Variants in GCSH observed in about 807,000 individuals in gnomAD.
GCSH encodes glycine cleavage system H protein, mitochondrial.
In GCSH, 15 loss-of-function variants were observed where a neutral mutation model predicts 21.3. The observed-to-expected ratio is 0.70, with a 90% CI of 0.47 to 1.08. The LOEUF (loss-of-function observed/expected upper bound fraction) is 1.08, where lower values mean the gene tolerates loss of function less well. GCSH is among the 50% of genes least tolerant of loss of function. The probability of loss-of-function intolerance (pLI) is 0.00; values close to 1 mark genes in which losing one functional copy is unlikely to be tolerated. For missense variants in GCSH, 179 were observed against 217.5 expected, an observed-to-expected ratio of 0.82 and a Z score of 1.11; for synonymous variants, 59 against 84.5, an observed-to-expected ratio of 0.70 and a Z score of 1.66.
At chr16:81,093,041 A>G (rs1972427992) in intron 1 of GCSH, among the ~76,000 whole-genome samples, 1 of 151,650 alleles carries the variant, frequency 6.6e-6, no homozygotes, top group African/African-American at 2.4e-5. Flanking sequence ...CTGAGGCAGG[A>G]GAATCACTTG....
At chr16:81,083,209 T>C in intron 4 of GCSH, 2 of 504,546 alleles carry the variant, frequency 4.0e-6, no homozygotes, top group South Asian at 2.1e-5. Flanking sequence ...GTAATAAGCA[T>C]CAGAAAATGA....
At chr16:81,089,885 T>A (rs1972363709) in intron 2 of GCSH, among the ~76,000 whole-genome samples, 1 of 152,210 alleles carries the variant, frequency 6.6e-6, no homozygotes, top group African/African-American at 2.4e-5. Context: ...TGTGTATCAC[T>A]GGACCCACAA....
rs186051402 is a variant in GCSH, at chr16:81,082,250, G to A, written c.*616C>T. ...ATTTCCTTTTAAAAAGTAACTTTCC[G>A]TAAGTTAAAGTTAGCACTTTCACAA... On this transcript the variant is annotated 3_prime_UTR_variant, in exon 5 of 5. Coordinates refer to ENST00000315467, the MANE Select transcript of GCSH (RefSeq NM_004483.5). 62 of 452,630 alleles carry A rather than the reference G, an allele frequency of 1.4e-4. No homozygotes were observed. The East Asian group carries it at 2.2e-3, about 16-fold the overall frequency. The allele number at this position is 452,630 out of a possible 1,614,324, so 28.0% of individuals were successfully genotyped here. A position where few individuals can be genotyped will look rare whatever the true frequency, so the allele number is the denominator to read the frequency against.
intron 1 of GCSH, among the ~76,000 whole-genome samples, chr16:81,091,666 AG>A (rs1267294439): frequency 1.3e-5 from 2 of 152,214 alleles, no homozygotes; most frequent in East Asian, 3.8e-4. Context: ...TGTTTTAAAG[AG>A]GCCTCACTGG....
At chr16:81,091,282 A>G in intron 1 of GCSH, 1 of 355,242 alleles carries the variant, frequency 2.8e-6, no homozygotes, top group South Asian at 2.2e-5. Context: ...ATTCAAGCCT[A>G]ACCTTGAAGA....
chr16:81,096,347 G>A lies in GCSH; in HGVS notation c.-69C>T, dbSNP rs1441894884. ...CGCGCCGGGAGGCGGGGCGGGGAGG[G>A]GCAGTTCGCGGCCGGAGGGAGCCGG... On this transcript the variant is annotated 5_prime_UTR_variant, in exon 1 of 5. Transcript: ENST00000315467. 7.7e-6 allele frequency: 10 copies of A among 1,300,120 alleles called. No individual in the cohort carries two copies. Among genetic ancestry groups the A allele is most frequent in the Admixed American group, 4.1e-5 (1 of 24,628 alleles). 80.5% of individuals were successfully genotyped at this position (1,300,120 alleles called of 1,614,324 possible).
At chr16:81,090,952 A>G in intron 1 of GCSH, 1 of 527,428 alleles carries the variant, frequency 1.9e-6, no homozygotes, top group Non-Finnish European at 3.4e-6. Flanking sequence ...CTTAGCCTAA[A>G]TCACAAAAGA....
At chr16:81,083,897 G>T (rs1040693537) in intron 4 of GCSH, 1 of 153,336 alleles carries the variant, frequency 6.5e-6, no homozygotes, top group Non-Finnish European at 1.5e-5. Flanking sequence ...ATACTTTGCA[G>T]ATGTTTACAC....
intron 1 of GCSH, among the ~76,000 whole-genome samples, chr16:81,092,553 C>A (rs886991126): frequency 6.6e-6 from 1 of 151,002 alleles, no homozygotes; most frequent in Non-Finnish European, 1.5e-5. Flanking sequence ...CCAGCCTGGC[C>A]AGCATAGTGA....
chr16:81,082,417 T>A lies in GCSH; in HGVS notation c.*449A>T. On this transcript the variant is annotated 3_prime_UTR_variant, in exon 5 of 5. Coordinates refer to ENST00000315467, the MANE Select transcript of GCSH (RefSeq NM_004483.5). ...AATGCAGTGTATCGCAAAATTAAGA[T>A]AGTGGTGTTCCTCATCTGACACTGT... 1 of 380,294 alleles carries A rather than the reference T, an allele frequency of 2.6e-6. No homozygotes were observed. Among genetic ancestry groups the A allele is most frequent in the Admixed American group, 3.4e-5 (1 of 29,632 alleles). The allele number at this position is 380,294 out of a possible 1,614,324, so 23.6% of individuals were successfully genotyped here. A position where few individuals can be genotyped will look rare whatever the true frequency, so the allele number is the denominator to read the frequency against.
intron 3 of GCSH, among the ~76,000 whole-genome samples, chr16:81,085,517 CA>C (rs1223721983): frequency 2.0e-5 from 3 of 152,212 alleles, no homozygotes; most frequent in African/African-American, 4.8e-5. Context: ...CAGAAAAAAA[CA>C]AAATGAAAAC....
chr16:81,091,002 C>T (rs761503331), intron 1 of GCSH: 9 of 460,828 alleles, frequency 2.0e-5, no homozygotes, highest in Non-Finnish European at 3.3e-5. Context: ...TTAACTATTA[C>T]TGGTCTGTCT....
intron 3 of GCSH, among the ~76,000 whole-genome samples, chr16:81,086,283 A>T (rs1972276394): frequency 6.6e-6 from 1 of 151,522 alleles, no homozygotes; most frequent in Admixed American, 6.6e-5. Context: ...TTGTAATCCC[A>T]ACACTTTGGG....
chr16:81,096,120 G>A lies in GCSH; in HGVS notation c.148+11C>T, dbSNP rs1972501228. On this transcript the variant is annotated intron_variant, in intron 1 of 4. Transcript: ENST00000315467. The stretch of plus-strand genomic sequence containing the variant: ...GGAGGGAGCAGCCGCCCACGTGCCC[G>A]CCGCGCTTACCCGAGAGCAGAGCGG... The A allele has an allele frequency of 9.6e-6, 12 of 1,247,010 alleles. No homozygotes were observed. In the South Asian group the frequency reaches 2.6e-4, roughly 27 times the overall value. 77.2% of individuals were successfully genotyped at this position (1,247,010 alleles called of 1,614,324 possible).
At chr16:81,094,190 G>C (rs1186860814) in intron 1 of GCSH, among the ~76,000 whole-genome samples, 1 of 152,174 alleles carries the variant, frequency 6.6e-6, no homozygotes, top group South Asian at 2.1e-4. Flanking sequence ...ATGAGCCACC[G>C]TGCCTGGACA....
intron 1 of GCSH, 51 bp downstream of exon 1, chr16:81,096,080 A>T: frequency 8.2e-7 from 1 of 1,225,752 alleles, no homozygotes; most frequent in Middle Eastern, 3.1e-4. Flanking sequence ...GGCCCGGGAC[A>T]AGCAGCCCAG....
At chr16:81,084,747 T>C (rs909129870) in intron 3 of GCSH, among the ~76,000 whole-genome samples, 153 bp from the exon 4 acceptor site, 17 of 151,482 alleles carry the variant, frequency 1.1e-4, no homozygotes, top group African/African-American at 2.9e-4. Flanking sequence ...TCTCGCTCTG[T>C]TGCCCAGGCT....
At position 81,088,840 on chromosome 16, in the gene GCSH, C is replaced by T. The variant is rs558205600; in HGVS notation, c.229-1176G>A. Among the ~76,000 whole-genome samples, 8 of 152,266 alleles carry T rather than the reference C, an allele frequency of 5.3e-5. No individual in the cohort carries two copies. The South Asian group carries it at 1.7e-3, about 32-fold the overall frequency. Reference sequence around the variant, plus strand: ...ATCATAGTCCTCACACCTTGTACTCCCTGAAGTCCCTGACTCCAGAAAGAA... The same window carrying T: ...ATCATAGTCCTCACACCTTGTACTCTCTGAAGTCCCTGACTCCAGAAAGAA... On this transcript the variant is annotated intron_variant, in intron 2 of 4. Coordinates refer to ENST00000315467, the MANE Select transcript of GCSH (RefSeq NM_004483.5).
At chr16:81,087,467 C>T in intron 3 of GCSH, 134 bp downstream of exon 3, 1 of 719,482 alleles carries the variant, frequency 1.4e-6, no homozygotes, top group South Asian at 1.5e-5. Context: ...CACTGCACTC[C>T]AGCCTGGGTG....
Sources: allele counts gnomAD v4.1 joint callset (sites outside exome capture counted in the v4.1 genomes callset), GRCh38; gene constraint gnomAD v4.1.1; transcripts MANE v1.5; gene names NCBI Gene and HGNC (gene_info 2026-07-23, HGNC 2026-07-21).